The following SLC24A2 variants were observed in gnomAD, a reference collection of about 807,000 sequenced individuals.
SLC24A2 encodes the protein sodium/potassium/calcium exchanger 2.
Under a neutral mutation model 62.0 loss-of-function variants are expected in SLC24A2, and 36 were observed. The ratio of observed to expected loss-of-function variants is 0.58; its 90% CI spans 0.44 to 0.77. The LOEUF is 0.77. Ranked by LOEUF, SLC24A2 falls within the 30% of genes least tolerant of loss-of-function variation. SLC24A2 has a pLI of 0.00. For synonymous variants in SLC24A2, 358 were observed against 294.0 expected (o/e 1.22, Z -2.23); for missense variants, 846 against 817.9 (o/e 1.03, Z -0.42).
At chr9:19,617,380 C>T (rs1587044314) in intron 4 of SLC24A2, among the ~76,000 whole-genome samples, 1 of 152,154 alleles carries the variant, frequency 6.6e-6, no homozygotes, top group East Asian at 1.9e-4. Flanking sequence ...CACCCTCCAA[C>T]TGCCATCTAA....
At chr9:19,902,574 A>G in the SLC24A2 span, among the ~76,000 whole-genome samples, 1 of 152,204 alleles carries the variant, frequency 6.6e-6, no homozygotes, top group Non-Finnish European at 1.5e-5. Flanking sequence ...GTTTAGGTCC[A>G]CAGGATTAGC....
chr9:19,882,588 T>C, the SLC24A2 span, among the ~76,000 whole-genome samples: 9,191 of 151,872 alleles, frequency 0.061, 394 homozygotes, highest in East Asian at 0.21. Context: ...TAGGCAAATG[T>C]TCAGCGCTGC....
the SLC24A2 span, among the ~76,000 whole-genome samples, chr9:19,903,908 G>A: frequency 6.6e-6 from 1 of 152,238 alleles, no homozygotes; most frequent in African/African-American, 2.4e-5. Flanking sequence ...TGCACAGAAT[G>A]CCAGAACTAT....
chr9:20,284,353 C>G, the SLC24A2 span, among the ~76,000 whole-genome samples: 1 of 151,986 alleles, frequency 6.6e-6, no homozygotes, highest in Non-Finnish European at 1.5e-5. Context: ...TCATAGCTCA[C>G]AGCAGGCTCG....
chr9:20,052,433 A>G, the SLC24A2 span, among the ~76,000 whole-genome samples: 1 of 152,326 alleles, frequency 6.6e-6, no homozygotes, highest in African/African-American at 2.4e-5. Context: ...GAAATAAGGA[A>G]CAATTGCACC....
the SLC24A2 span, among the ~76,000 whole-genome samples, chr9:20,121,966 A>T: frequency 2.0e-5 from 3 of 152,204 alleles, no homozygotes; most frequent in African/African-American, 7.2e-5. Flanking sequence ...GCTTGCTAAC[A>T]AAAACAAAAG....
At chr9:19,939,108 T>C in the SLC24A2 span, among the ~76,000 whole-genome samples, 5 of 152,252 alleles carry the variant, frequency 3.3e-5, no homozygotes, top group Admixed American at 6.5e-5. Context: ...CTTCTAGTAG[T>C]CTTGTTTCTG....
chr9:19,796,214 A>G, the SLC24A2 span, among the ~76,000 whole-genome samples: 2 of 151,920 alleles, frequency 1.3e-5, no homozygotes, highest in Non-Finnish European at 2.9e-5. Flanking sequence ...TGGCACATGT[A>G]TACATATGTA....
intron 8 of SLC24A2, among the ~76,000 whole-genome samples, chr9:19,545,839 G>T (rs1285585320): frequency 6.6e-6 from 1 of 151,998 alleles, no homozygotes; most frequent in Non-Finnish European, 1.5e-5. Flanking sequence ...GGGTTTCACT[G>T]TGTTAGCCAG....
chr9:20,248,709 C>A, the SLC24A2 span, among the ~76,000 whole-genome samples: 1,550 of 152,282 alleles, frequency 0.01, 21 homozygotes, highest in African/African-American at 0.035. Context: ...ATTTCTCCAA[C>A]GCTGCCTCAC....
In SLC24A2 at chr9:19,710,849, C is replaced by A. The variant is rs547550435; in HGVS notation, c.930+75088G>T. Among the ~76,000 whole-genome samples, 12 of 152,274 alleles carry A rather than the reference C, an allele frequency of 7.9e-5. 1 individual carries two copies. In the South Asian group the frequency reaches 1.9e-3, roughly 24 times the overall value. On this transcript the variant is annotated intron_variant, in intron 2 of 10. Transcript: ENST00000341998. Reference sequence around the variant, plus strand: ...CAGCTAGGAGGGTGCTGCAGGAACACAGGGACAAATGATCCTACCCTCAAG... The same window carrying A: ...CAGCTAGGAGGGTGCTGCAGGAACAAAGGGACAAATGATCCTACCCTCAAG...
intron 8 of SLC24A2, among the ~76,000 whole-genome samples, chr9:19,543,117 G>A (rs1032111558): frequency 1.3e-5 from 2 of 152,174 alleles, no homozygotes; most frequent in Admixed American, 1.3e-4. Flanking sequence ...GTTGTTATTG[G>A]TCTATTCAGG....
the SLC24A2 span, among the ~76,000 whole-genome samples, chr9:20,143,855 A>G: frequency 6.6e-6 from 1 of 152,234 alleles, no homozygotes; most frequent in Admixed American, 6.5e-5. Flanking sequence ...TTATACACAT[A>G]TGACTCTAAT....
chr9:20,082,856 C>G, the SLC24A2 span, among the ~76,000 whole-genome samples: 1 of 152,192 alleles, frequency 6.6e-6, no homozygotes, highest in South Asian at 2.1e-4. Flanking sequence ...AAATTAAGAC[C>G]TGGAAGCACT....
At chr9:19,846,606 A>G in the SLC24A2 span, among the ~76,000 whole-genome samples, 1 of 152,074 alleles carries the variant, frequency 6.6e-6, no homozygotes, top group Non-Finnish European at 1.5e-5. Context: ...TAATATCGAT[A>G]TGTGAGGTTT....
chr9:19,895,235 T>G, the SLC24A2 span, among the ~76,000 whole-genome samples: 19 of 152,020 alleles, frequency 1.2e-4, no homozygotes, highest in East Asian at 7.7e-4. Context: ...TTTTGTTTTT[T>G]TTTTTTTTCT....
intron 2 of SLC24A2, among the ~76,000 whole-genome samples, chr9:19,743,314 C>T (rs1029852530): frequency 1.3e-5 from 2 of 152,128 alleles, no homozygotes; most frequent in South Asian, 2.1e-4. Context: ...ATGTGTAATC[C>T]ACCTTATAAA....
the SLC24A2 span, among the ~76,000 whole-genome samples, chr9:20,162,968 A>G: frequency 2.6e-5 from 4 of 152,166 alleles, no homozygotes; most frequent in African/African-American, 9.6e-5. Context: ...TTAGGTATTG[A>G]TGGGACATAT....
At chr9:20,109,514 G>C in the SLC24A2 span, among the ~76,000 whole-genome samples, 1 of 152,130 alleles carries the variant, frequency 6.6e-6, no homozygotes, top group Non-Finnish European at 1.5e-5. Context: ...GTGTGTATGT[G>C]ACCAGCCCCC....
Sources: allele counts gnomAD v4.1 joint callset (sites outside exome capture counted in the v4.1 genomes callset), GRCh38; gene constraint gnomAD v4.1.1; transcripts MANE v1.5; gene names NCBI Gene and HGNC (gene_info 2026-07-23, HGNC 2026-07-21).